The following TTC29 variants were observed in gnomAD, a reference collection of about 807,000 sequenced individuals.
The protein encoded by TTC29 is tetratricopeptide repeat protein 29.
TTC29 carries 49 observed loss-of-function variants against 58.1 expected under a neutral mutation model. The observed-to-expected ratio is 0.84, with a 90% CI of 0.67 to 1.07. The LOEUF is 1.07. TTC29 is among the 50% of genes least tolerant of loss of function. The pLI is 0.00. For synonymous variants in TTC29, 209 were observed against 196.8 expected, an observed-to-expected ratio of 1.06 and a Z score of -0.52; for missense variants, 582 against 555.6, an observed-to-expected ratio of 1.05 and a Z score of -0.48.
At chr4:146,889,774 A>G in intron 6 of TTC29, among the ~76,000 whole-genome samples, 1 of 152,162 alleles carries the variant, frequency 6.6e-6, no homozygotes, top group Non-Finnish European at 1.5e-5. Flanking sequence ...TGTGATAATC[A>G]ACCTCACTTC....
rs139814699 is a variant in TTC29 at position 146,930,291 on chromosome 4, C to A, written c.176+7303G>T. On this transcript the variant is annotated intron_variant, in intron 4 of 12. Coordinates refer to ENST00000325106, the MANE Select transcript of TTC29 (RefSeq NM_031956.4). ...CAAACTTATATTCTCTTTTTTATTT[C>A]TTATAACTAGACATTTAAATGCTTT... 1.0e-3 allele frequency among the ~76,000 whole-genome samples: 153 copies of A among 151,216 alleles called. 1 individual carries two copies. The East Asian group carries it at 0.025, about 24-fold the overall frequency.
intron 9 of TTC29, among the ~76,000 whole-genome samples, chr4:146,833,417 C>T (rs2150157506): frequency 6.6e-6 from 1 of 152,236 alleles, no homozygotes; most frequent in Non-Finnish European, 1.5e-5. Flanking sequence ...ATGACTGAAG[C>T]ATAAATGGAA....
chr4:146,737,631 C>A (rs1262192591), intron 11 of TTC29, among the ~76,000 whole-genome samples: 3 of 150,496 alleles, frequency 2.0e-5, no homozygotes, highest in African/African-American at 7.3e-5. Flanking sequence ...CAGGAATAGC[C>A]ACTGACTTTG....
At chr4:146,743,610 T>C (rs1509332) in intron 11 of TTC29, among the ~76,000 whole-genome samples, 102,224 of 152,048 alleles carry the variant, frequency 0.67, 34,743 homozygotes, top group African/African-American at 0.73. Context: ...TTTAGCACAG[T>C]GGTGTCCTTC....
chr4:146,726,396 T>C (rs112561179), intron 11 of TTC29, among the ~76,000 whole-genome samples: 3,473 of 152,168 alleles, frequency 0.023, 138 homozygotes, highest in African/African-American at 0.078. Context: ...GAGGTTGCAG[T>C]GAGCCGAAAT....
At chr4:146,803,218 T>A (rs1192675039) in intron 11 of TTC29, among the ~76,000 whole-genome samples, 1 of 151,432 alleles carries the variant, frequency 6.6e-6, no homozygotes, top group Non-Finnish European at 1.5e-5. Flanking sequence ...AAAAACAGCA[T>A]GAGAATGGTG....
intron 11 of TTC29, among the ~76,000 whole-genome samples, chr4:146,721,563 A>G (rs1401819646): frequency 1.3e-5 from 2 of 152,168 alleles, no homozygotes; most frequent in Admixed American, 6.6e-5. Flanking sequence ...CTTATGATTT[A>G]CTTTAAAAAT....
At chr4:146,716,955 G>T (rs1339323084) in intron 11 of TTC29, among the ~76,000 whole-genome samples, 2 of 152,168 alleles carry the variant, frequency 1.3e-5, no homozygotes, top group African/African-American at 2.4e-5. Flanking sequence ...CAAACCAGGA[G>T]CATTAACATT....
rs1751722053 is a variant in TTC29 at position 146,820,211 on chromosome 4, T to C, written c.1015A>G (p.Lys339Glu). The stretch of plus-strand genomic sequence containing the variant: ...TTGTTTCTTGCAATTTTCACAAATT[T>C]TTTCAAGTATTTAATTGCTTCTGTC... Reference protein sequence around the residue: ...EMTEAIKYLKKFVKIARNNFQ... With the variant: ...EMTEAIKYLKEFVKIARNNFQ... Residue 339 changes from lysine (K) to glutamate (E), a missense_variant, in exon 10 of 13, where the codon AAA (lysine) becomes GAA (glutamate). Coordinates refer to ENST00000325106, the MANE Select transcript of TTC29 (RefSeq NM_031956.4). 1 of 1,612,772 alleles carries C rather than the reference T, an allele frequency of 6.2e-7. No individual in the cohort carries two copies. The highest frequency in any genetic ancestry group is 1.1e-5 in the South Asian group (1 of 91,070).
At chr4:146,885,925 T>C (rs1371789490) in intron 6 of TTC29, among the ~76,000 whole-genome samples, 1 of 152,072 alleles carries the variant, frequency 6.6e-6, no homozygotes, top group Non-Finnish European at 1.5e-5. Context: ...TTTTAGGAAG[T>C]TGGTTATTTT....
rs1733739068 is a variant in TTC29 at position 146,909,249 on chromosome 4, A to G, written c.177T>C (p.Ala59=). The change falls in exon 5 of 13, where the codon GCT becomes GCC. Residue 59 remains alanine (A), a splice_region_variant and synonymous_variant. Transcript: ENST00000325106. The part of the protein sequence containing the change: ...FKGLSKEEVA[A]YRNSYKKNIC... ...TATTCTTCTTGTAGGAGTTCCTATA[A>G]CTGGAAATATGAATCAGAACACTCT... 10 of 1,605,210 alleles carry G rather than the reference A, an allele frequency of 6.2e-6. No individual in the cohort carries two copies. Among genetic ancestry groups the G allele is most frequent in the Non-Finnish European group, 8.5e-6 (10 of 1,174,412 alleles).
chr4:146,902,881 T>G (rs1733249456), intron 6 of TTC29, among the ~76,000 whole-genome samples: 1 of 152,170 alleles, frequency 6.6e-6, no homozygotes, highest in Non-Finnish European at 1.5e-5. Context: ...TTATGCAAAA[T>G]GAGATAGTGT....
At chr4:146,713,310 T>TC (rs1314314235) in intron 11 of TTC29, among the ~76,000 whole-genome samples, 6 of 53,606 alleles carry the variant, frequency 1.1e-4, no homozygotes, top group Non-Finnish European at 2.6e-4. Flanking sequence ...TCCTCCTCCT[T>TC]GTTCTATAAT....
chr4:146,753,105 T>A (rs1746146662), intron 11 of TTC29, among the ~76,000 whole-genome samples: 1 of 151,814 alleles, frequency 6.6e-6, no homozygotes, highest in South Asian at 2.1e-4. Context: ...ACCATCAGAG[T>A]GAACAGGCAA....
chr4:146,722,629 A>G (rs1430750305), intron 11 of TTC29, among the ~76,000 whole-genome samples: 4 of 151,640 alleles, frequency 2.6e-5, no homozygotes, highest in Non-Finnish European at 5.9e-5. Context: ...TATGCAGAAG[A>G]AAAAAAAATG....
Position 146,803,680 on chromosome 4 carries a change from G to A in TTC29, c.1107C>T (p.Tyr369=), listed in dbSNP as rs1489738488. The change falls in exon 11 of 13, where the codon TAC becomes TAT. Residue 369 remains tyrosine (Y), a synonymous_variant. Transcript: ENST00000325106. ...GAAAGCATTCAGAAGCTTTGTTGTA[G>A]TATCCCTAAAAAGGTAAGAGAAATA... ...MLGDIYNEKG[Y]YNKASECFQQ... The A allele has an allele frequency of 6.3e-7, 1 of 1,577,000 alleles. No individual in the cohort carries two copies. Among genetic ancestry groups the A allele is most frequent in the Non-Finnish European group, 8.6e-7 (1 of 1,157,098 alleles).
At chr4:146,920,754 C>A (rs1041807823) in intron 4 of TTC29, among the ~76,000 whole-genome samples, 2 of 151,024 alleles carry the variant, frequency 1.3e-5, no homozygotes, top group African/African-American at 4.8e-5. Flanking sequence ...GACTCCAGTT[C>A]TATATTTTTA....
chr4:146,903,214 T>A (rs994240004), intron 6 of TTC29, among the ~76,000 whole-genome samples: 1 of 152,136 alleles, frequency 6.6e-6, no homozygotes, highest in Non-Finnish European at 1.5e-5. Flanking sequence ...TGGGGCATTA[T>A]GAAAATCTAA....
chr4:146,867,629 T>A, intron 7 of TTC29, 46 bp from the exon 8 acceptor site: 1 of 904,932 alleles, frequency 1.1e-6, no homozygotes, highest in Non-Finnish European at 1.7e-6. Flanking sequence ...AATAAATGAT[T>A]TATTACAACA....
Sources: gnomAD v4.1 joint callset for allele counts (sites outside exome capture counted in the v4.1 genomes callset) on GRCh38, gnomAD v4.1.1 for gene constraint, MANE v1.5 for transcripts, NCBI Gene and HGNC (gene_info 2026-07-23, HGNC 2026-07-21) for gene names.